Variants in TRMT11 observed in about 807,000 individuals in gnomAD.
The protein encoded by TRMT11 is tRNA methyltransferase 11.
A neutral mutation model predicts 62.8 loss-of-function variants in TRMT11; 53 were observed. The ratio of observed to expected loss-of-function variants is 0.84; its 90% CI spans 0.68 to 1.06. The LOEUF is 1.06. Among genes scored for constraint, TRMT11 ranks in the 50% least tolerant of loss-of-function variants. The pLI, the probability that TRMT11 is intolerant of heterozygous loss-of-function variation, is 0.00. For synonymous variants in TRMT11, 188 were observed against 190.3 expected (o/e 0.99, Z 0.10); for missense variants, 556 against 553.4 (o/e 1.00, Z -0.05).
chr6:126,069,221 C>T (rs1776776887), intron 17 of TRMT11, among the ~76,000 whole-genome samples: 2 of 152,184 alleles, frequency 1.3e-5, no homozygotes, highest in Admixed American at 1.3e-4. Flanking sequence ...AATGTTGGGC[C>T]ACATGCTACA....
chr6:125,988,440 A>C (rs1790024318), intron 1 of TRMT11, among the ~76,000 whole-genome samples: 1 of 152,046 alleles, frequency 6.6e-6, no homozygotes, highest in Non-Finnish European at 1.5e-5. Context: ...ATTGAGCTTG[A>C]GTGTATTTGT....
chr6:126,153,231 C>T (rs565237103), intron 21 of TRMT11, among the ~76,000 whole-genome samples: 1 of 152,258 alleles, frequency 6.6e-6, no homozygotes, highest in East Asian at 1.9e-4. Flanking sequence ...ATTATTTATA[C>T]AGTTTTGGAA....
At chr6:126,232,060 G>C in the TRMT11 span, among the ~76,000 whole-genome samples, 1 of 152,058 alleles carries the variant, frequency 6.6e-6, no homozygotes, top group Admixed American at 6.6e-5. Flanking sequence ...AAATCTTCTG[G>C]TGGGACCCAT....
At chr6:126,253,675 C>T in the TRMT11 span, among the ~76,000 whole-genome samples, 1 of 152,270 alleles carries the variant, frequency 6.6e-6, no homozygotes, top group South Asian at 2.1e-4. Flanking sequence ...GTCATATATG[C>T]AGTCTGTTGT....
At chr6:126,055,952 C>A (rs1334889713) in intron 17 of TRMT11, among the ~76,000 whole-genome samples, 1 of 152,134 alleles carries the variant, frequency 6.6e-6, no homozygotes, top group Non-Finnish European at 1.5e-5. Context: ...ACACCCAGCT[C>A]CCTGCCTTGA....
At position 125,998,325 on chromosome 6, in the gene TRMT11, T is replaced by A; in HGVS notation, c.387+10T>A. 6.4e-7 allele frequency: 1 copy of A among 1,558,362 alleles called. No homozygotes were observed. Among genetic ancestry groups the A allele is most frequent in the Admixed American group, 1.8e-5 (1 of 56,936 alleles). ...AATCAAGCGAATAGATGTAAGTAAATTTAGCAAAACAAAAAACCTACATGA... is the reference window on the plus strand; with the variant it reads ...AATCAAGCGAATAGATGTAAGTAAAATTAGCAAAACAAAAAACCTACATGA... On this transcript the variant is annotated intron_variant, in intron 5 of 12. Coordinates refer to ENST00000334379, the MANE Select transcript of TRMT11 (RefSeq NM_001031712.3).
upstream of TRMT11, among the ~76,000 whole-genome samples, chr6:126,173,944 G>C (rs1021802111): frequency 6.6e-6 from 1 of 152,090 alleles, no homozygotes; most frequent in Non-Finnish European, 1.5e-5. Flanking sequence ...TCATGTGGGT[G>C]GGGGAGCTAT....
intron 19 of TRMT11, among the ~76,000 whole-genome samples, chr6:126,115,285 A>T (rs1777574753): frequency 6.6e-6 from 1 of 152,094 alleles, no homozygotes; most frequent in Non-Finnish European, 1.5e-5. Flanking sequence ...TCTTCTCTGT[A>T]GTTCTTGACT....
Position 126,144,487 on chromosome 6 carries a change from T to C in TRMT11, c.*1823+28632T>C, listed in dbSNP as rs908736704. Reference sequence around the variant, plus strand: ...ATGTGAGTTACTTAGAACCAGCTAATGAGGGTGCAGGAAGCAGTTTGTATG... The same window carrying C: ...ATGTGAGTTACTTAGAACCAGCTAACGAGGGTGCAGGAAGCAGTTTGTATG... On this transcript the variant is annotated intron_variant and NMD_transcript_variant, in intron 21 of 22. Coordinates refer to the TRMT11 transcript ENST00000648977. 7.4e-4 allele frequency among the ~76,000 whole-genome samples: 113 copies of C among 152,320 alleles called. 1 individual carries two copies. Among genetic ancestry groups the C allele is most frequent in the African/African-American group, 2.6e-3 (108 of 41,588 alleles).
At chr6:126,257,850 G>C in the TRMT11 span, 11 of 1,131,164 alleles carry the variant, frequency 9.7e-6, no homozygotes, top group Middle Eastern at 2.9e-4. Context: ...GGGTCCGCTG[G>C]TATTGCTCTT....
intron 12 of TRMT11, among the ~76,000 whole-genome samples, chr6:126,036,832 A>C (rs1030551881): frequency 2.6e-5 from 4 of 152,030 alleles, no homozygotes; most frequent in East Asian, 1.9e-4. Flanking sequence ...AAATGGTGGA[A>C]CATTGTTCTG....
chr6:126,247,632 T>G, the TRMT11 span, among the ~76,000 whole-genome samples: 1 of 149,500 alleles, frequency 6.7e-6, no homozygotes, highest in Admixed American at 6.7e-5. Context: ...TACTGGAAAT[T>G]TAGGAATATG....
intron 18 of TRMT11, among the ~76,000 whole-genome samples, chr6:126,114,672 A>T (rs1777568070): frequency 6.6e-6 from 1 of 152,118 alleles, no homozygotes; most frequent in Non-Finnish European, 1.5e-5. Context: ...TTCCACTGGG[A>T]ATCATGTATT....
At chr6:126,013,347 C>G (rs942552245) in intron 11 of TRMT11, among the ~76,000 whole-genome samples, 1 of 152,052 alleles carries the variant, frequency 6.6e-6, no homozygotes, top group Non-Finnish European at 1.5e-5. Context: ...GCGTTGACCT[C>G]CCAGGCTCAA....
At chr6:126,064,827 G>A (rs1224992718) in intron 17 of TRMT11, among the ~76,000 whole-genome samples, 1 of 152,180 alleles carries the variant, frequency 6.6e-6, no homozygotes, top group Non-Finnish European at 1.5e-5. Context: ...CCCAGAGGTG[G>A]TTTTTGTTTT....
chr6:126,200,666 TGCCTCA>T (rs1778724877), intron 3 of TRMT11, among the ~76,000 whole-genome samples: 1 of 152,180 alleles, frequency 6.6e-6, no homozygotes, highest in Non-Finnish European at 1.5e-5. Flanking sequence ...GACATTCTCC[TGCCTCA>T]GCCTCCCAAG....
At chr6:126,112,951 T>C (rs1380255258) in exon 18 of TRMT11, among the ~76,000 whole-genome samples, 1 of 152,078 alleles carries the variant, frequency 6.6e-6, no homozygotes, top group Non-Finnish European at 1.5e-5. Flanking sequence ...AACCTATTAC[T>C]AAGGTAGGTT....
intron 1 of TRMT11, among the ~76,000 whole-genome samples, chr6:126,189,120 A>G (rs1197874079): frequency 2.6e-5 from 4 of 152,120 alleles, no homozygotes; most frequent in African/African-American, 9.7e-5. Flanking sequence ...CGAAGGGGTT[A>G]AGAGTTGGAC....
At chr6:126,168,231 G>C (rs1778290589) in intron 21 of TRMT11, among the ~76,000 whole-genome samples, 1 of 152,190 alleles carries the variant, frequency 6.6e-6, no homozygotes, top group African/African-American at 2.4e-5. Flanking sequence ...AAGCTGTGTA[G>C]TCAGAACCAG....
Sources: allele counts gnomAD v4.1 joint callset (sites outside exome capture counted in the v4.1 genomes callset), GRCh38; gene constraint gnomAD v4.1.1; transcripts MANE v1.5; gene names NCBI Gene and HGNC (gene_info 2026-07-23, HGNC 2026-07-21).